The following GRM7 variants were observed in gnomAD, a reference collection of about 807,000 sequenced individuals.
GRM7 encodes glutamate metabotropic receptor 7.
In GRM7, 35 loss-of-function variants were observed where a neutral mutation model predicts 84.5. The ratio of observed to expected loss-of-function variants is 0.41; its 90% CI spans 0.32 to 0.55. The LOEUF (loss-of-function observed/expected upper bound fraction) is 0.55, where lower values mean the gene tolerates loss of function less well. Among genes scored for constraint, GRM7 ranks in the 20% least tolerant of loss-of-function variants. The pLI, the probability that GRM7 is intolerant of heterozygous loss-of-function variation, is 0.19. For synonymous variants in GRM7, 487 were observed against 455.1 expected, an observed-to-expected ratio of 1.07 and a Z score of -0.89; for missense variants, 1,003 against 1,194.6, an observed-to-expected ratio of 0.84 and a Z score of 2.36.
At chr3:7,678,802 A>T (rs543028039) in intron 8 of GRM7, among the ~76,000 whole-genome samples, 1 of 152,326 alleles carries the variant, frequency 6.6e-6, no homozygotes, top group African/African-American at 2.4e-5. Context: ...AAGAATTAAG[A>T]TCAGAAATGT....
chr3:6,993,768 A>G (rs1045778376), intron 1 of GRM7, among the ~76,000 whole-genome samples: 4 of 152,234 alleles, frequency 2.6e-5, no homozygotes, highest in African/African-American at 7.2e-5. Flanking sequence ...TCAAGCAAAC[A>G]GGGCTTAACG....
At chr3:7,639,954 T>C (rs555397914) in intron 8 of GRM7, among the ~76,000 whole-genome samples, 2 of 152,224 alleles carry the variant, frequency 1.3e-5, no homozygotes, top group East Asian at 3.9e-4. Context: ...TCATTCAGTA[T>C]ATACTCTTTT....
chr3:7,520,396 C>T (rs1446019217), intron 7 of GRM7: 3 of 152,094 alleles, frequency 2.0e-5, no homozygotes, highest in Non-Finnish European at 4.4e-5. Flanking sequence ...ATATAAAAGT[C>T]CCATCTTGCC....
At chr3:7,268,894 G>GT (rs1698745924) in intron 2 of GRM7, among the ~76,000 whole-genome samples, 2 of 152,174 alleles carry the variant, frequency 1.3e-5, no homozygotes, top group African/African-American at 4.8e-5. Flanking sequence ...GAGTCCAGGA[G>GT]CTCAGTCCAA....
At chr3:6,892,394 G>A (rs973322007) in intron 1 of GRM7, among the ~76,000 whole-genome samples, 2 of 152,088 alleles carry the variant, frequency 1.3e-5, no homozygotes, top group Admixed American at 6.6e-5. Flanking sequence ...TTTTGATAGC[G>A]TGCCCTAAGT....
At chr3:7,415,477 A>G (rs780731268) in intron 5 of GRM7, among the ~76,000 whole-genome samples, 67 of 152,220 alleles carry the variant, frequency 4.4e-4, no homozygotes, top group African/African-American at 1.5e-3. Flanking sequence ...CACATAGACA[A>G]AATTCTCTGA....
intron 7 of GRM7, among the ~76,000 whole-genome samples, chr3:7,473,844 A>G (rs1698812192): frequency 6.6e-6 from 1 of 152,204 alleles, no homozygotes; most frequent in South Asian, 2.1e-4. Flanking sequence ...ATGGATTTTC[A>G]GGACCAACAA....
At chr3:7,039,795 G>A (rs1574823402) in intron 1 of GRM7, among the ~76,000 whole-genome samples, 1 of 152,156 alleles carries the variant, frequency 6.6e-6, no homozygotes, top group South Asian at 2.1e-4. Flanking sequence ...ATTGCCGATC[G>A]GTTTTTTTGT....
chr3:7,127,346 A>G (rs1180998896), intron 1 of GRM7, among the ~76,000 whole-genome samples: 1 of 152,234 alleles, frequency 6.6e-6, no homozygotes, highest in Non-Finnish European at 1.5e-5. Flanking sequence ...CAGAGAAAAG[A>G]TCGGATGAGT....
At chr3:7,082,348 G>A (rs1013284563) in intron 1 of GRM7, among the ~76,000 whole-genome samples, 2 of 152,134 alleles carry the variant, frequency 1.3e-5, no homozygotes, top group African/African-American at 4.8e-5. Flanking sequence ...AACAAAACCT[G>A]GATGACAGCA....
intron 9 of GRM7, among the ~76,000 whole-genome samples, chr3:7,704,940 C>G (rs184096465): frequency 6.6e-6 from 1 of 152,274 alleles, no homozygotes; most frequent in Non-Finnish European, 1.5e-5. Flanking sequence ...GTTCGCTTAA[C>G]TATAGAAAAC....
chr3:7,717,691 A>G (rs932264286), intron 9 of GRM7, among the ~76,000 whole-genome samples: 2 of 152,202 alleles, frequency 1.3e-5, no homozygotes, highest in Non-Finnish European at 2.9e-5. Flanking sequence ...GCCCACCAGC[A>G]ACAGGAAGGG....
At chr3:7,190,298 A>T (rs1309319663) in intron 2 of GRM7, among the ~76,000 whole-genome samples, 1 of 152,120 alleles carries the variant, frequency 6.6e-6, no homozygotes, top group Non-Finnish European at 1.5e-5. Context: ...AAGCCTAGTT[A>T]TTCCTTAACC....
chr3:7,361,455 T>C (rs1693660733), intron 4 of GRM7, among the ~76,000 whole-genome samples: 1 of 152,142 alleles, frequency 6.6e-6, no homozygotes, highest in Non-Finnish European at 1.5e-5. Context: ...CTGCACATAG[T>C]TTCATTCCTG....
chr3:6,880,517 A>G (rs986556091), intron 1 of GRM7, among the ~76,000 whole-genome samples: 1 of 152,214 alleles, frequency 6.6e-6, no homozygotes, highest in African/African-American at 2.4e-5. Flanking sequence ...CATATAAACA[A>G]TATGAATCTT....
At chr3:7,156,503 A>G (rs1374943336) in intron 2 of GRM7, among the ~76,000 whole-genome samples, 1 of 152,260 alleles carries the variant, frequency 6.6e-6, no homozygotes, top group East Asian at 1.9e-4. Context: ...GCTGATTCTC[A>G]CTTTGACCGG....
intron 2 of GRM7, among the ~76,000 whole-genome samples, chr3:7,240,618 A>G (rs902507064): frequency 2.0e-5 from 3 of 152,146 alleles, no homozygotes; most frequent in South Asian, 2.1e-4. Flanking sequence ...TTTAATACAG[A>G]TATAGGATTT....
chr3:7,092,889 C>A (rs1698720219), intron 1 of GRM7, among the ~76,000 whole-genome samples: 1 of 152,130 alleles, frequency 6.6e-6, no homozygotes, highest in African/African-American at 2.4e-5. Flanking sequence ...TTAAGGCCAG[C>A]CTGGACAACA....
intron 1 of GRM7, among the ~76,000 whole-genome samples, chr3:7,044,979 CT>C (rs757264472): frequency 6.6e-6 from 1 of 152,108 alleles, no homozygotes; most frequent in Non-Finnish European, 1.5e-5. Context: ...CATTTCTATT[CT>C]GTTGACATGT....
Sources: allele counts gnomAD v4.1 joint callset (sites outside exome capture counted in the v4.1 genomes callset), GRCh38; gene constraint gnomAD v4.1.1; transcripts MANE v1.5; gene names NCBI Gene and HGNC (gene_info 2026-07-23, HGNC 2026-07-21).